Variants in OPA1 observed in about 807,000 individuals in gnomAD.
OPA1 encodes dynamin-like GTPase OPA1, mitochondrial.
In OPA1, 59 loss-of-function variants were observed where a neutral mutation model predicts 152.9. The observed-to-expected ratio is 0.39, with a 90% CI of 0.31 to 0.48. The LOEUF (loss-of-function observed/expected upper bound fraction) is 0.48, where lower values mean the gene tolerates loss of function less well. OPA1 is among the 20% of genes least tolerant of loss of function. The probability of loss-of-function intolerance (pLI) is 0.96; values close to 1 mark genes in which losing one functional copy is unlikely to be tolerated. For synonymous variants in OPA1, 400 were observed against 389.9 expected (o/e 1.03, Z -0.31); for missense variants, 1,008 against 1,216.8 (o/e 0.83, Z 2.55).
chr3:193,656,021 G>C (rs76437860), intron 22 of OPA1, among the ~76,000 whole-genome samples: 4,550 of 152,146 alleles, frequency 0.03, 245 homozygotes, highest in African/African-American at 0.1. Flanking sequence ...AACTCCAGCA[G>C]CCTCCCTGCC....
At position 193,655,160 on chromosome 3, in the gene OPA1, C is replaced by T. The variant is rs1713489148; in HGVS notation, c.2178+133C>T. ...TTTATATCTCATTTATTCTTTATTC[C>T]TCATCTCTGTTTTGGGACTAACCTT... On this transcript the variant is annotated intron_variant, in intron 22 of 30. Transcript: ENST00000361510. 9 of 817,534 alleles carry T rather than the reference C, an allele frequency of 1.1e-5. No individual in the cohort carries two copies. In the Middle Eastern group the frequency reaches 9.5e-4, roughly 86 times the overall value. The allele number at this position is 817,534 out of a possible 1,614,324, so 50.6% of individuals were successfully genotyped here.
intron 22 of OPA1, 81 bp from the exon 23 acceptor site, chr3:193,656,999 G>A: frequency 8.2e-7 from 1 of 1,219,906 alleles, no homozygotes; most frequent in Non-Finnish European, 1.2e-6. Context: ...CATCTGTTTG[G>A]CTTGAGCTCG....
intron 6 of OPA1, among the ~76,000 whole-genome samples, chr3:193,623,190 T>A (rs1174161723): frequency 3.9e-5 from 6 of 152,084 alleles, no homozygotes; most frequent in East Asian, 3.9e-4. Flanking sequence ...AGCTCTGGCC[T>A]TTTTTTGTAA....
Position 193,655,018 on chromosome 3 carries a change from A to C in OPA1, c.2169A>C (p.Lys723Asn), listed in dbSNP as rs1400914862. 1.9e-6 allele frequency: 3 copies of C among 1,613,548 alleles called. No individual in the cohort carries two copies. The highest frequency in any genetic ancestry group is 1.1e-5 in the South Asian group (1 of 91,068). ...GGACTGATAAACAACTTCCTAATAA[A>C]GCAGTAGAGGTTAGGATATAATTTA... ...KQWTDKQLPN[K>N]AVEVAWETLQ... Residue 723 changes from lysine to asparagine, a missense_variant, in exon 22 of 31, where the codon AAA (lysine) becomes AAC (asparagine). Lys to Asn is a moderately conservative substitution (Grantham distance 94, BLOSUM62 0). Coordinates refer to ENST00000361510, the MANE Select transcript of OPA1 (RefSeq NM_130837.3).
At chr3:193,643,194 T>A (rs1287190769) in intron 13 of OPA1, 145 bp downstream of exon 13, 1 of 907,008 alleles carries the variant, frequency 1.1e-6, no homozygotes, top group African/African-American at 1.7e-5. Flanking sequence ...TAATATATCA[T>A]TTTGTGGGTA....
chr3:193,640,655 T>A (rs1210185966), intron 11 of OPA1, among the ~76,000 whole-genome samples: 1 of 152,194 alleles, frequency 6.6e-6, no homozygotes, highest in African/African-American at 2.4e-5. Flanking sequence ...GTGGAGAAAG[T>A]CAAGTGATAT....
chr3:193,692,969 G>A (rs150575943), intron 30 of OPA1, among the ~76,000 whole-genome samples: 245 of 152,354 alleles, frequency 1.6e-3, no homozygotes, highest in African/African-American at 5.6e-3. Context: ...CGTTGTCCAG[G>A]CTGGCATTTG....
intron 21 of OPA1, among the ~76,000 whole-genome samples, chr3:193,652,107 A>G (rs1490180949): frequency 6.6e-6 from 1 of 152,192 alleles, no homozygotes. Context: ...TAGTCCAGGC[A>G]CGGTGGCTCA....
At chr3:193,593,553 C>G (rs1016108734) in intron 1 of OPA1, 144 bp downstream of exon 1, 2 of 862,216 alleles carry the variant, frequency 2.3e-6, no homozygotes, top group Non-Finnish European at 3.3e-6. Context: ...CTTGAGGACC[C>G]AGAATGACAG....
At chr3:193,593,464 G>C (rs1305417689) in intron 1 of OPA1, 55 bp downstream of exon 1, 1 of 1,472,418 alleles carries the variant, frequency 6.8e-7, no homozygotes, top group African/African-American at 1.4e-5. Context: ...TGAGAGTGGG[G>C]CTGTCTTATC....
At chr3:193,676,830 AT>A (rs1443726575) in intron 29 of OPA1, among the ~76,000 whole-genome samples, 35 of 152,066 alleles carry the variant, frequency 2.3e-4, no homozygotes, top group Non-Finnish European at 4.0e-4. Context: ...AATACAAAAA[AT>A]TTAGCCAGGC....
intron 1 of OPA1, among the ~76,000 whole-genome samples, chr3:193,606,270 AT>A (rs550675763): frequency 1.3e-4 from 20 of 151,644 alleles, no homozygotes; most frequent in African/African-American, 2.2e-4. Context: ...ACTTAAAAAA[AT>A]TTTTTTTTAT....
intron 29 of OPA1, among the ~76,000 whole-genome samples, chr3:193,671,997 A>G (rs188855909): frequency 1.9e-3 from 295 of 152,324 alleles, no homozygotes; most frequent in African/African-American, 6.6e-3. Context: ...TGGGACTTTC[A>G]TGAAATTCTT....
chr3:193,648,722 A>G lies in OPA1; in HGVS notation c.1936-73A>G, dbSNP rs928845178. 5 of 1,062,200 alleles carry G rather than the reference A, an allele frequency of 4.7e-6. No individual in the cohort carries two copies. In the African/African-American group the frequency reaches 6.2e-5, roughly 13 times the overall value. 65.8% of individuals were successfully genotyped at this position (1,062,200 alleles called of 1,614,324 possible). On this transcript the variant is annotated intron_variant, in intron 20 of 30. Coordinates refer to ENST00000361510, the MANE Select transcript of OPA1 (RefSeq NM_130837.3). ...CCTAGTCAAAAACCTCCCTTTGGTT[A>G]TCTCTGAAAATCATGACAGGGTAAA...
chr3:193,636,856 T>C (rs1188091645), intron 9 of OPA1, among the ~76,000 whole-genome samples: 1 of 39,426 alleles, frequency 2.5e-5, no homozygotes, highest in Non-Finnish European at 5.2e-5. Flanking sequence ...CTGACCACCT[T>C]TTTTTTGCCT....
intron 10 of OPA1, 75 bp from the exon 11 acceptor site, chr3:193,637,877 C>G: frequency 8.5e-7 from 1 of 1,169,892 alleles, no homozygotes; most frequent in Non-Finnish European, 1.3e-6. Context: ...AAACTCAGAG[C>G]AGCATTACAA....
At chr3:193,654,820 ATTATAT>A in intron 21 of OPA1, 36 bp from the exon 22 acceptor site, 2 of 1,589,392 alleles carry the variant, frequency 1.3e-6, no homozygotes, top group Non-Finnish European at 1.7e-6. Flanking sequence ...TAAAAACAAT[ATTATAT>A]TTAGATTTGG....
chr3:193,687,959 C>T (rs576381860), intron 29 of OPA1, among the ~76,000 whole-genome samples: 1 of 151,924 alleles, frequency 6.6e-6, no homozygotes, highest in Non-Finnish European at 1.5e-5. Context: ...TTTTTGGGCC[C>T]GAGTATCCTG....
intron 1 of OPA1, among the ~76,000 whole-genome samples, chr3:193,596,197 CTTTTTTT>C (rs558965633): frequency 1.9e-5 from 2 of 106,562 alleles, no homozygotes; most frequent in Non-Finnish European, 3.7e-5. Flanking sequence ...TGTTTTTCAC[CTTTTTTT>C]TTTTTTTTTT....
Sources: gnomAD v4.1 joint callset for allele counts (sites outside exome capture counted in the v4.1 genomes callset) on GRCh38, gnomAD v4.1.1 for gene constraint, MANE v1.5 for transcripts, NCBI Gene and HGNC (gene_info 2026-07-23, HGNC 2026-07-21) for gene names.